The following DISC1 variants were observed in gnomAD, a reference collection of about 807,000 sequenced individuals.
The protein encoded by DISC1 is DISC1 scaffold protein.
DISC1 carries 57 observed loss-of-function variants against 84.5 expected under a neutral mutation model. The observed-to-expected ratio is 0.67, with a 90% confidence interval of 0.55 to 0.84. DISC1 has a LOEUF of 0.84. Ranked by LOEUF, DISC1 falls within the 40% of genes least tolerant of loss-of-function variation. The probability of loss-of-function intolerance (pLI) is 0.00; values close to 1 mark genes in which losing one functional copy is unlikely to be tolerated. For synonymous variants in DISC1, 411 were observed against 415.2 expected, an observed-to-expected ratio of 0.99 and a Z score of 0.12; for missense variants, 1,000 against 1,057.8, an observed-to-expected ratio of 0.95 and a Z score of 0.76.
At chr1:231,892,525 A>G (rs1376294745) in intron 9 of DISC1, among the ~76,000 whole-genome samples, 1 of 152,222 alleles carries the variant, frequency 6.6e-6, no homozygotes. Flanking sequence ...TGAGGACTAA[A>G]GAACACCTGT....
Position 232,009,711 on chromosome 1 carries a change from C to T in DISC1, c.2307+662C>T, listed in dbSNP as rs1667858069. ...CCTTCCCCTTCCACTCCTCACTTTCCTCCTCCCACCCTAACAAGAGTCTTT... is the reference window on the plus strand; with the variant it reads ...CCTTCCCCTTCCACTCCTCACTTTCTTCCTCCCACCCTAACAAGAGTCTTT... On this transcript the variant is annotated intron_variant, in intron 11 of 12. Transcript: ENST00000439617. The surrounding 1 kb of genome is among the most constrained non-coding windows in gnomAD (Gnocchi z 4.6). The T allele has an allele frequency of 3.2e-6, 2 of 615,882 alleles. No individual in the cohort carries two copies. The highest frequency in any genetic ancestry group is 1.5e-4 in the South Asian group (2 of 13,714). The allele number at this position is 615,882 out of a possible 1,614,324, so 38.2% of individuals were successfully genotyped here. A position where few individuals can be genotyped will look rare whatever the true frequency, so the allele number is the denominator to read the frequency against.
At chr1:231,862,376 G>C (rs1161910996) in intron 9 of DISC1, among the ~76,000 whole-genome samples, 1 of 152,074 alleles carries the variant, frequency 6.6e-6, no homozygotes, top group Admixed American at 6.5e-5. Context: ...GTCATATTTG[G>C]ACTCCAAAGA....
Position 231,954,979 on chromosome 1 carries a change from T to G in DISC1, c.1982-3849T>G, listed in dbSNP as rs550784695. Among the ~76,000 whole-genome samples the G allele has an allele frequency of 7.9e-4, 121 of 152,328 alleles. No individual in the cohort carries two copies. Among genetic ancestry groups the G allele is most frequent in the African/African-American group, 2.3e-3 (97 of 41,560 alleles). ...CCATGGCTTTGCCTGGAAGTTCTTG[T>G]GCAGGTCCAGCGTGTCACCAACTGG... On this transcript the variant is annotated intron_variant, in intron 9 of 12. Transcript: ENST00000439617. This position sits in a 1 kb window ranked among gnomAD's most constrained non-coding sequence, Gnocchi z 4.8.
At chr1:231,933,888 C>T (rs1232056557) in intron 9 of DISC1, among the ~76,000 whole-genome samples, 2 of 152,148 alleles carry the variant, frequency 1.3e-5, no homozygotes, top group Admixed American at 1.3e-4. Context: ...GGTGAGACAC[C>T]AAGAGCCTCC....
intron 10 of DISC1, among the ~76,000 whole-genome samples, chr1:232,007,982 C>T (rs1667667754): frequency 1.3e-5 from 2 of 152,280 alleles, no homozygotes; most frequent in Non-Finnish European, 2.9e-5. Context: ...CTGCACTTCT[C>T]CTTCCTGCCA....
chr1:231,831,855 G>A (rs75085123), intron 9 of DISC1, among the ~76,000 whole-genome samples: 2 of 139,910 alleles, frequency 1.4e-5, no homozygotes, highest in Non-Finnish European at 3.2e-5. Context: ...GTAGTGGGGG[G>A]GGGTGGGCAG....
chr1:231,671,811 T>A (rs1276325517), intron 1 of DISC1, among the ~76,000 whole-genome samples: 2 of 152,224 alleles, frequency 1.3e-5, no homozygotes, highest in African/African-American at 4.8e-5. Context: ...TCTTGATTCC[T>A]CAGTTTTCCT....
chr1:231,984,741 C>T (rs1664153884), intron 10 of DISC1, among the ~76,000 whole-genome samples: 2 of 152,002 alleles, frequency 1.3e-5, no homozygotes, highest in South Asian at 4.2e-4. Context: ...TAGTTCTGCC[C>T]AAGGGGGAAG....
chr1:232,015,839 T>G (rs545628651), intron 11 of DISC1, among the ~76,000 whole-genome samples: 1 of 152,296 alleles, frequency 6.6e-6, no homozygotes, highest in African/African-American at 2.4e-5. Flanking sequence ...CCATTGGTCA[T>G]TCCACACCCC....
intron 7 of DISC1, among the ~76,000 whole-genome samples, chr1:231,799,534 G>T (rs894798618): frequency 2.6e-5 from 4 of 151,932 alleles, no homozygotes. Context: ...AGGGCCAAGG[G>T]AGGTTGCTAT....
chr1:231,772,834 C>A (rs1167420219), intron 6 of DISC1, among the ~76,000 whole-genome samples: 1 of 152,178 alleles, frequency 6.6e-6, no homozygotes, highest in African/African-American at 2.4e-5. Context: ...TACTTAAGAT[C>A]TCCTCCCATT....
intron 10 of DISC1, among the ~76,000 whole-genome samples, chr1:231,966,795 G>A (rs1249033636): frequency 6.6e-6 from 1 of 152,116 alleles, no homozygotes; most frequent in Non-Finnish European, 1.5e-5. Flanking sequence ...ACAAACTCTC[G>A]AGCACTTAGT....
chr1:231,680,570 G>A (rs1206197974), intron 1 of DISC1, among the ~76,000 whole-genome samples: 2 of 152,078 alleles, frequency 1.3e-5, no homozygotes, highest in Admixed American at 6.5e-5. Flanking sequence ...ATATCCCCTT[G>A]TTTTTTAGTA....
chr1:231,861,831 CT>C (rs1162225667), intron 9 of DISC1, among the ~76,000 whole-genome samples: 1 of 152,144 alleles, frequency 6.6e-6, no homozygotes, highest in African/African-American at 2.4e-5. Context: ...TAGTAGATTA[CT>C]TTCCCATTAA....
At chr1:231,694,833 C>G (rs778128134) in intron 2 of DISC1, 28 bp downstream of exon 2, 1 of 1,609,330 alleles carries the variant, frequency 6.2e-7, no homozygotes, top group Admixed American at 1.7e-5. Context: ...CTCTGTGGCC[C>G]GAGATTGTCG....
rs915647187 is a variant in DISC1 at position 231,988,058 on chromosome 1, T to G, written c.2043-20727T>G. 7.2e-5 allele frequency among the ~76,000 whole-genome samples: 11 copies of G among 152,224 alleles called. No individual in the cohort carries two copies. In the South Asian group the frequency reaches 1.9e-3, roughly 26 times the overall value. ...AAAATTAGCCGGGTGTGGTGACGTGTGCCTGTAGTCCCAGCTACTCAGGAG... is the reference window on the plus strand; with the variant it reads ...AAAATTAGCCGGGTGTGGTGACGTGGGCCTGTAGTCCCAGCTACTCAGGAG... On this transcript the variant is annotated intron_variant, in intron 10 of 12. Transcript: ENST00000439617.
chr1:231,981,353 A>G (rs1276262618), intron 10 of DISC1, among the ~76,000 whole-genome samples: 1 of 152,202 alleles, frequency 6.6e-6, no homozygotes, highest in Non-Finnish European at 1.5e-5. Flanking sequence ...ATCAGATTTA[A>G]TATGTGAATA....
At chr1:231,811,782 G>A (rs2080323700) in intron 8 of DISC1, among the ~76,000 whole-genome samples, 1 of 152,264 alleles carries the variant, frequency 6.6e-6, no homozygotes, top group East Asian at 1.9e-4. Flanking sequence ...ATTGACATGA[G>A]ATCAGAAGAA....
chr1:231,759,526 C>CAAAAAAAA (rs767431903), intron 4 of DISC1, among the ~76,000 whole-genome samples: 56 of 47,992 alleles, frequency 1.2e-3, no homozygotes, highest in East Asian at 2.4e-3. Context: ...CCCATCTCTA[C>CAAAAAAAA]AAAAAAAAAA....
Sources: gnomAD v4.1 joint callset for allele counts (sites outside exome capture counted in the v4.1 genomes callset) on GRCh38, gnomAD v4.1.1 for gene constraint, Gnocchi (gnomAD v3.1) non-coding constraint, MANE v1.5 for transcripts, NCBI Gene and HGNC (gene_info 2026-07-23, HGNC 2026-07-21) for gene names.